ANGPT1: variants seen among roughly 807,000 people sequenced by gnomAD.
The protein encoded by ANGPT1 is angiopoietin 1, also known as angiopoietin-1.
ANGPT1 carries 17 observed loss-of-function variants against 62.2 expected under a neutral mutation model. The ratio of observed to expected loss-of-function variants is 0.27; its 90% CI spans 0.19 to 0.41. The LOEUF is 0.41. Ranked by LOEUF, ANGPT1 falls within the 10% of genes least tolerant of loss-of-function variation. ANGPT1 has a pLI of 1.00. For missense variants in ANGPT1, 478 were observed against 594.9 expected (o/e 0.80, Z 2.04); for synonymous variants, 199 against 198.9 (o/e 1.00, Z 0.00).
chr8:107,318,292 T>C (rs1208507278), intron 4 of ANGPT1, among the ~76,000 whole-genome samples: 1 of 152,234 alleles, frequency 6.6e-6, no homozygotes, highest in East Asian at 1.9e-4. Context: ...GAGGAAAGTT[T>C]GGTGAATTAT....
chr8:107,290,262 A>G (rs1054751913), intron 6 of ANGPT1, among the ~76,000 whole-genome samples: 1 of 152,120 alleles, frequency 6.6e-6, no homozygotes, highest in African/African-American at 2.4e-5. Context: ...GAAGGGAAGG[A>G]AGGAGAGAGG....
intron 1 of ANGPT1, among the ~76,000 whole-genome samples, chr8:107,404,746 T>G (rs905462647): frequency 1.3e-5 from 2 of 152,062 alleles, no homozygotes; most frequent in African/African-American, 4.8e-5. Context: ...GTGTGTTCAT[T>G]TAAAATTTTG....
chr8:107,472,868 T>G (rs1299589124), intron 1 of ANGPT1, among the ~76,000 whole-genome samples: 1 of 152,050 alleles, frequency 6.6e-6, no homozygotes, highest in East Asian at 1.9e-4. Context: ...AGAGTGTGAT[T>G]TATCTTTTTG....
intron 1 of ANGPT1, among the ~76,000 whole-genome samples, chr8:107,477,299 A>T (rs745888460): frequency 6.6e-6 from 1 of 152,180 alleles, no homozygotes; most frequent in African/African-American, 2.4e-5. Context: ...TTGTTGGGTC[A>T]CAGTTTGCAC....
chr8:107,364,757 T>C (rs2130218459), intron 1 of ANGPT1, among the ~76,000 whole-genome samples: 1 of 152,360 alleles, frequency 6.6e-6, no homozygotes, highest in East Asian at 1.9e-4. Flanking sequence ...GTGCTAGTTG[T>C]TTCAAAACTT....
intron 3 of ANGPT1, 36 bp downstream of exon 3, chr8:107,336,114 C>T (rs748222910): frequency 4.5e-6 from 7 of 1,568,108 alleles, no homozygotes; most frequent in African/African-American, 4.2e-5. Context: ...TAAATAAGTA[C>T]ACACAGAAAC....
intron 4 of ANGPT1, among the ~76,000 whole-genome samples, chr8:107,304,218 T>G (rs2129983967): frequency 6.6e-6 from 1 of 151,896 alleles, no homozygotes; most frequent in African/African-American, 2.4e-5. Flanking sequence ...CTTATTTTAT[T>G]TACTGAGCTT....
At chr8:107,335,340 C>A (rs1815534231) in intron 3 of ANGPT1, among the ~76,000 whole-genome samples, 1 of 152,172 alleles carries the variant, frequency 6.6e-6, no homozygotes, top group Non-Finnish European at 1.5e-5. Context: ...GTCTTCACCT[C>A]AATATTATGC....
intron 4 of ANGPT1, among the ~76,000 whole-genome samples, chr8:107,315,504 G>T (rs1814992645): frequency 6.6e-6 from 1 of 152,036 alleles, no homozygotes; most frequent in South Asian, 2.1e-4. Context: ...GCATACAGAA[G>T]GTTCTTTTTA....
At chr8:107,444,221 G>A (rs1481584650) in intron 1 of ANGPT1, among the ~76,000 whole-genome samples, 2 of 152,116 alleles carry the variant, frequency 1.3e-5, no homozygotes, top group Non-Finnish European at 1.5e-5. Context: ...TAGCAACACT[G>A]GGAGTTCTAA....
At chr8:107,350,622 GA>G (rs975883557) in intron 1 of ANGPT1, among the ~76,000 whole-genome samples, 1 of 152,124 alleles carries the variant, frequency 6.6e-6, no homozygotes, top group African/African-American at 2.4e-5. Flanking sequence ...CCCTGTTGTA[GA>G]TATAAAGTAA....
rs148834027 is a variant in ANGPT1 at position 107,351,688 on chromosome 8, A to C, written c.298-4591T>G. 3.1e-3 allele frequency among the ~76,000 whole-genome samples: 470 copies of C among 152,198 alleles called. 7 individuals are homozygous for C. The highest frequency in any genetic ancestry group is 0.026 in the Admixed American group (403 of 15,258). ...GACCAAGTTAATTTGAGGTGGGATG[A>C]GAAGCCCTAGGGCCAGGTATGTGGA... On this transcript the variant is annotated intron_variant, in intron 1 of 8. Transcript: ENST00000517746.
At chr8:107,487,528 G>A (rs563132772) in intron 1 of ANGPT1, among the ~76,000 whole-genome samples, 1 of 150,504 alleles carries the variant, frequency 6.6e-6, no homozygotes, top group Non-Finnish European at 1.5e-5. Flanking sequence ...ATATTAAGCG[G>A]CCGTGCGTCA....
intron 1 of ANGPT1, among the ~76,000 whole-genome samples, chr8:107,410,473 A>G (rs1491003501): frequency 2.0e-5 from 3 of 152,172 alleles, no homozygotes; most frequent in Non-Finnish European, 2.9e-5. Flanking sequence ...ACCTATGAGC[A>G]TCAAAAACTT....
chr8:107,495,209 C>A (rs1399304241), intron 1 of ANGPT1, among the ~76,000 whole-genome samples: 1 of 152,102 alleles, frequency 6.6e-6, no homozygotes, highest in Non-Finnish European at 1.5e-5. Flanking sequence ...AAAAGATATG[C>A]AAATTTAAAC....
intron 1 of ANGPT1, among the ~76,000 whole-genome samples, chr8:107,348,325 T>C (rs1455452050): frequency 6.6e-6 from 1 of 152,192 alleles, no homozygotes; most frequent in Non-Finnish European, 1.5e-5. Flanking sequence ...ATAAATATAG[T>C]CTAAATGTAA....
intron 8 of ANGPT1, among the ~76,000 whole-genome samples, chr8:107,256,415 A>C (rs1813357641): frequency 1.3e-5 from 2 of 152,202 alleles, no homozygotes; most frequent in African/African-American, 4.8e-5. Context: ...TTAAACACAA[A>C]TCCTGAAAAT....
At chr8:107,384,651 A>C (rs1310327277) in intron 1 of ANGPT1, among the ~76,000 whole-genome samples, 1 of 152,046 alleles carries the variant, frequency 6.6e-6, no homozygotes, top group African/African-American at 2.4e-5. Context: ...GAAAAAGGGT[A>C]ACAAACAGCA....
At chr8:107,294,253 A>G (rs539009647) in intron 5 of ANGPT1, 86 of 404,394 alleles carry the variant, frequency 2.1e-4, no homozygotes, top group Non-Finnish European at 3.0e-4. Context: ...ATGATGAATA[A>G]ATTACATGCA....
Sources: gnomAD v4.1 joint callset for allele counts (sites outside exome capture counted in the v4.1 genomes callset) on GRCh38, gnomAD v4.1.1 for gene constraint, MANE v1.5 for transcripts, NCBI Gene and HGNC (gene_info 2026-07-23, HGNC 2026-07-21) for gene names.